Variants in MELTF observed in about 807,000 individuals in gnomAD.
MELTF encodes melanotransferrin.
In MELTF, 67 loss-of-function variants were observed where a neutral mutation model predicts 83.7. The ratio of observed to expected loss-of-function variants is 0.80; its 90% CI spans 0.66 to 0.98. The LOEUF (loss-of-function observed/expected upper bound fraction) is 0.98, where lower values mean the gene tolerates loss of function less well. Ranked by LOEUF, MELTF falls within the 50% of genes least tolerant of loss-of-function variation. The pLI, the probability that MELTF is intolerant of heterozygous loss-of-function variation, is 0.00. For missense variants in MELTF, 1,002 were observed against 1,035.6 expected (o/e 0.97, Z 0.44); for synonymous variants, 462 against 447.6 (o/e 1.03, Z -0.41).
At chr3:197,013,489 G>A (rs1719256065) in intron 9 of MELTF, among the ~76,000 whole-genome samples, 1 of 152,150 alleles carries the variant, frequency 6.6e-6, no homozygotes, top group African/African-American at 2.4e-5. Flanking sequence ...GACCTCGAAA[G>A]CATAGGCAAC....
Position 197,024,618 on chromosome 3 carries a change from C to T in MELTF, c.305-133G>A, listed in dbSNP as rs149962499. On this transcript the variant is annotated intron_variant, in intron 3 of 15. Transcript: ENST00000296350. This position sits in a 1 kb window ranked among gnomAD's most constrained non-coding sequence, Gnocchi z 5.3. ...GCTGTACACACGGATGTGTGCATAGCGTTCTCGTTACCAAGAGAGCAAGTG... is the reference window on the plus strand; with the variant it reads ...GCTGTACACACGGATGTGTGCATAGTGTTCTCGTTACCAAGAGAGCAAGTG... 1.2e-3 allele frequency: 729 copies of T among 628,538 alleles called. 7 individuals carry two copies. The highest frequency in any genetic ancestry group is 4.7e-3 in the African/African-American group (249 of 53,112). The allele number at this position is 628,538 out of a possible 1,614,324, so 38.9% of individuals were successfully genotyped here.
intron 10 of MELTF, among the ~76,000 whole-genome samples, chr3:197,010,447 T>C (rs1487913209): frequency 6.6e-6 from 1 of 152,242 alleles, no homozygotes; most frequent in Non-Finnish European, 1.5e-5. Flanking sequence ...AGAGACTGTC[T>C]GTCGTCTGCA....
At chr3:197,018,296 C>T (rs1009573273) in intron 6 of MELTF, among the ~76,000 whole-genome samples, 5 of 150,546 alleles carry the variant, frequency 3.3e-5, no homozygotes, top group Admixed American at 6.6e-5. Flanking sequence ...CACAGGTGCC[C>T]GCCACCACGC....
In MELTF at chr3:197,028,202, C is replaced by T. The variant is rs938273677; in HGVS notation, c.50-292G>A. 3.5e-5 allele frequency: 13 copies of T among 373,810 alleles called. No individual in the cohort carries two copies. In the Admixed American group the frequency reaches 3.8e-4, roughly 11 times the overall value. The allele number at this position is 373,810 out of a possible 1,614,324, so 23.2% of individuals were successfully genotyped here. On this transcript the variant is annotated intron_variant, in intron 1 of 15. Transcript: ENST00000296350. Reference sequence around the variant, plus strand: ...CTACAGGTCGCTTCTCAGCTACCCCCACCTGGTGGGAGCACTGGCTAGGGA... The same window carrying T: ...CTACAGGTCGCTTCTCAGCTACCCCTACCTGGTGGGAGCACTGGCTAGGGA...
At position 197,029,745 on chromosome 3, in the gene MELTF, G is replaced by T; in HGVS notation, c.-43C>A. 1 of 1,212,828 alleles carries T rather than the reference G, an allele frequency of 8.2e-7. No homozygotes were observed. The highest frequency in any genetic ancestry group is 1.0e-6 in the Non-Finnish European group (1 of 971,116). 75.1% of individuals were successfully genotyped at this position (1,212,828 alleles called of 1,614,324 possible). The stretch of plus-strand genomic sequence containing the variant: ...CTGGGGCCGGGCTGGGGCTGGGTCC[G>T]GGTCCGAGGAGGTCCGCAGCAGCCG... On this transcript the variant is annotated 5_prime_UTR_variant, in exon 1 of 16. Transcript: ENST00000296350. This position sits in a 1 kb window ranked among gnomAD's most constrained non-coding sequence, Gnocchi z 6.5.
chr3:197,004,133 A>C (rs1288562111), intron 14 of MELTF, 34 bp from the exon 15 acceptor site: 7 of 1,609,356 alleles, frequency 4.3e-6, no homozygotes, highest in South Asian at 3.3e-5. Flanking sequence ...CCTGCTCCTC[A>C]CTGGGCTCAG....
rs1487826053 is a variant in MELTF, at chr3:197,003,326, A to G, written c.*46T>C. The G allele has an allele frequency of 1.9e-6, 2 of 1,039,220 alleles. No homozygotes were observed. Among genetic ancestry groups the G allele is most frequent in the Admixed American group, 1.1e-4 (2 of 17,514 alleles). 64.4% of individuals were successfully genotyped at this position (1,039,220 alleles called of 1,614,324 possible). ...GGATTCCAGCGCGAAGCCGCCGCGG[A>G]AACTCCCCGGGCGGGCATCGGAGCT... On this transcript the variant is annotated 3_prime_UTR_variant, in exon 16 of 16. Coordinates refer to ENST00000296350, the MANE Select transcript of MELTF (RefSeq NM_005929.6). This position sits in a 1 kb window ranked among gnomAD's most constrained non-coding sequence, Gnocchi z 6.2.
In MELTF at chr3:197,003,210, G is replaced by A. The variant is rs1718819092; in HGVS notation, c.*162C>T. ...GGGCCCGGGGGCGGCGCCTCAGGTA[G>A]CAGCGCCAGGTGGCGCCCGTGGGCG... On this transcript the variant is annotated 3_prime_UTR_variant, in exon 16 of 16. Coordinates refer to ENST00000296350, the MANE Select transcript of MELTF (RefSeq NM_005929.6). This position sits in a 1 kb window ranked among gnomAD's most constrained non-coding sequence, Gnocchi z 6.2. 2.6e-6 allele frequency: 2 copies of A among 784,300 alleles called. No individual in the cohort carries two copies. The highest frequency in any genetic ancestry group is 3.1e-6 in the Non-Finnish European group (2 of 640,784). The allele number at this position is 784,300 out of a possible 1,614,324, so 48.6% of individuals were successfully genotyped here.
Position 197,008,625 on chromosome 3 carries a change from C to G in MELTF, c.1750+32G>C. The G allele has an allele frequency of 1.9e-6, 3 of 1,604,842 alleles. No homozygotes were observed. The highest frequency in any genetic ancestry group is 2.6e-6 in the Non-Finnish European group (3 of 1,174,334). On this transcript the variant is annotated intron_variant, in intron 13 of 15. Coordinates refer to ENST00000296350, the MANE Select transcript of MELTF (RefSeq NM_005929.6). This position sits in a 1 kb window ranked among gnomAD's most constrained non-coding sequence, Gnocchi z 5.4. The stretch of plus-strand genomic sequence containing the variant: ...GAAGATGGGGAACAGTCCCCCCGAC[C>G]TACCTTTGGCCCTGCTCTTGCCCCC...
At chr3:197,017,743 G>A (rs761997478) in intron 6 of MELTF, among the ~76,000 whole-genome samples, 191 of 152,264 alleles carry the variant, frequency 1.3e-3, no homozygotes, top group Non-Finnish European at 2.1e-3. Context: ...TGGGCGTGGT[G>A]GCGGGCGCCT....
At chr3:197,016,563 G>A (rs1684852954) in intron 7 of MELTF, among the ~76,000 whole-genome samples, 194 bp from the exon 8 acceptor site, 1 of 152,154 alleles carries the variant, frequency 6.6e-6, no homozygotes, top group Admixed American at 6.5e-5. Context: ...GTCAGTTCTG[G>A]GTCTACTCTG....
Position 197,019,813 on chromosome 3 carries a change from G to C in MELTF, c.712+1591C>G, listed in dbSNP as rs141945025. 53 of 1,561,862 alleles carry C rather than the reference G, an allele frequency of 3.4e-5. No homozygotes were observed. The African/African-American group carries it at 6.2e-4, about 18-fold the overall frequency. The stretch of plus-strand genomic sequence containing the variant: ...TCGTGATGGACTTTCTGATTTAAAA[G>C]GCAATGGTTAATAACAGCAAAGAAT... On this transcript the variant is annotated intron_variant, in intron 6 of 15. Coordinates refer to ENST00000296350, the MANE Select transcript of MELTF (RefSeq NM_005929.6).
chr3:197,009,664 A>T lies in MELTF; in HGVS notation c.1479T>A (p.Leu493=). The T allele has an allele frequency of 9.9e-6, 16 of 1,613,792 alleles. No homozygotes were observed. Among genetic ancestry groups the T allele is most frequent in the Non-Finnish European group, 1.4e-5 (16 of 1,179,934 alleles). ...PAGWDVPVGA[L]IQRGFIRPKD... ...TGGGCCGGATGAAGCCTCTCTGAAT[A>T]AGGGCACCCACGGGGACATCCCAGC... Residue 493 remains leucine, a synonymous_variant, in exon 11 of 16, where the codon CTT becomes CTA. Transcript: ENST00000296350.
intron 3 of MELTF, 124 bp downstream of exon 3, chr3:197,026,536 T>A (rs1560225400): frequency 2.5e-6 from 2 of 802,224 alleles, no homozygotes; most frequent in East Asian, 5.0e-5. Flanking sequence ...TTCTTCTGGC[T>A]GGGACTCCAG....
chr3:197,020,489 G>GCA (rs57202737), intron 6 of MELTF, among the ~76,000 whole-genome samples: 36,209 of 149,374 alleles, frequency 0.24, 4,359 homozygotes, highest in Middle Eastern at 0.33. Flanking sequence ...GAACACACAC[G>GCA]CACACACACA....
intron 14 of MELTF, 113 bp from the exon 15 acceptor site, chr3:197,004,212 T>C: frequency 6.2e-6 from 6 of 964,500 alleles, no homozygotes; most frequent in Non-Finnish European, 9.9e-6. Context: ...GAGCAAGTCA[T>C]TTCAGGGCCC....
intron 1 of MELTF, 84 bp from the exon 2 acceptor site, chr3:197,027,994 G>A: frequency 2.1e-6 from 3 of 1,438,904 alleles, no homozygotes; most frequent in Non-Finnish European, 2.8e-6. Context: ...GCAGTTCTGT[G>A]TGAGCCCATT....
In MELTF at chr3:197,002,500, C is replaced by T. The variant is rs1417431956; in HGVS notation, c.*872G>A. Reference sequence around the variant, plus strand: ...CGGGGCCGGGTGAGGAGACGGAGCTCACCCCCGTTCGGAACCCAGAAGCAT... The same window carrying T: ...CGGGGCCGGGTGAGGAGACGGAGCTTACCCCCGTTCGGAACCCAGAAGCAT... On this transcript the variant is annotated 3_prime_UTR_variant, in exon 16 of 16. Transcript: ENST00000296350. The T allele has an allele frequency of 1.3e-5, 2 of 152,168 alleles. No individual in the cohort carries two copies. Among genetic ancestry groups the T allele is most frequent in the African/African-American group, 4.8e-5 (2 of 41,446 alleles). The allele number at this position is 152,168 out of a possible 1,614,324, so 9.4% of individuals were successfully genotyped here. A position where few individuals can be genotyped will look rare whatever the true frequency, so the allele number is the denominator to read the frequency against.
At chr3:197,019,679 C>T (rs138296798) in intron 6 of MELTF, 193 of 1,613,806 alleles carry the variant, frequency 1.2e-4, no homozygotes, top group Non-Finnish European at 1.5e-4. Flanking sequence ...GGCCTGTGAA[C>T]GGGAGCCCAT....
Sources: gnomAD v4.1 joint callset for allele counts (sites outside exome capture counted in the v4.1 genomes callset) on GRCh38, gnomAD v4.1.1 for gene constraint, Gnocchi (gnomAD v3.1) non-coding constraint, MANE v1.5 for transcripts, NCBI Gene and HGNC (gene_info 2026-07-23, HGNC 2026-07-21) for gene names.